Variants in POLE observed in about 807,000 individuals in gnomAD.
The protein encoded by POLE is DNA polymerase epsilon catalytic subunit A.
Under a neutral mutation model 279.2 loss-of-function variants are expected in POLE, and 188 were observed. The observed-to-expected ratio is 0.67, with a 90% CI of 0.60 to 0.76. The LOEUF is 0.76. POLE is among the 30% of genes least tolerant of loss of function. The pLI is 0.00. For synonymous variants in POLE, 1,214 were observed against 1,172.5 expected (o/e 1.04, Z -0.72); for missense variants, 2,703 against 3,016.7 (o/e 0.90, Z 2.44).
chr12:132,634,305 T>C lies in POLE; in HGVS notation c.5885A>G (p.Glu1962Gly), dbSNP rs764022756. 6 of 1,614,166 alleles carry C rather than the reference T, an allele frequency of 3.7e-6. No individual in the cohort carries two copies. The highest frequency in any genetic ancestry group is 8.5e-7 in the Non-Finnish European group (1 of 1,180,000). The stretch of plus-strand genomic sequence containing the variant: ...GGATTCCTCCGCCTCTTCCTCCTCC[T>C]CCCCATCTCTTTCCTCCTCATCGTC... ...NEDDEEERDG[E>G]EEEEAEESNV... The change falls in exon 43 of 49, where the codon GAG (glutamate) becomes GGG (glycine). Residue 1962 changes from glutamate to glycine, a missense_variant. This residue lies in a region of POLE where 1,551 missense variants were observed against 1,686.1 expected (regional missense o/e 0.92). Transcript: ENST00000320574. The surrounding 1 kb of genome is among the most constrained non-coding windows in gnomAD (Gnocchi z 4.0).
rs1199771627 is a variant in POLE, at chr12:132,636,041, G to C, written c.5679-17C>G. 1.2e-6 allele frequency: 2 copies of C among 1,606,834 alleles called. No individual in the cohort carries two copies. Among genetic ancestry groups the C allele is most frequent in the Admixed American group, 3.4e-5 (2 of 58,434 alleles). On this transcript the variant is annotated splice_polypyrimidine_tract_variant and intron_variant, in intron 41 of 48. Transcript: ENST00000320574. ...GAATGGATGCTGCAGAGGAAGCATT[G>C]AAGACGCTGCTTCAGTGAAATCGAC...
rs929537284 is a variant in POLE, at chr12:132,687,296, C to T, written c.20G>A (p.Gly7Glu). The T allele has an allele frequency of 6.6e-6, 10 of 1,505,844 alleles. No homozygotes were observed. The highest frequency in any genetic ancestry group is 8.0e-6 in the Non-Finnish European group (9 of 1,128,440). 93.3% of individuals were successfully genotyped at this position (1,505,844 alleles called of 1,614,324 possible). A position where few individuals can be genotyped will look rare whatever the true frequency, so the allele number is the denominator to read the frequency against. ...CGCGCCTGGGTCCGCGCGCCGCCGC[C>T]CGCCGCTCCTCAGAGACATGGAGCC... The part of the protein sequence containing the change: MSLRSG[G>E]RRRADPGADG... The change falls in exon 1 of 49, where the codon GGG becomes GAG. Residue 7 changes from glycine (G) to glutamate (E), a missense_variant. Around this residue, in one of 5 missense-constraint regions of POLE, gnomAD observed 1,011 missense variants for 1,111.7 expected, o/e 0.91. Transcript: ENST00000320574.
chr12:132,674,810 C>T (rs1452235419), intron 12 of POLE, among the ~76,000 whole-genome samples: 1 of 152,022 alleles, frequency 6.6e-6, no homozygotes, highest in African/African-American at 2.4e-5. Flanking sequence ...GAGGCCCCTC[C>T]ATTCCCTTCC....
rs1555221919 is a variant in POLE, at chr12:132,639,200, C to T, written c.5477G>A (p.Arg1826Gln). 5 of 1,613,994 alleles carry T rather than the reference C, an allele frequency of 3.1e-6. No homozygotes were observed. Among genetic ancestry groups the T allele is most frequent in the Non-Finnish European group, 4.2e-6 (5 of 1,179,976 alleles). ...NQVMHFYRWLRSPSSLLHDPA... is the reference protein window; with the variant it reads ...NQVMHFYRWLQSPSSLLHDPA... ...GTCATGAAGCAGAGAGGATGGCGACCGAAGCCAGCGGTAGAAGTGCATCAC... is the reference window on the plus strand; with the variant it reads ...GTCATGAAGCAGAGAGGATGGCGACTGAAGCCAGCGGTAGAAGTGCATCAC... Residue 1826 changes from arginine to glutamine, a missense_variant, in exon 40 of 49, where the codon CGG becomes CAG. Arg to Gln is a conservative substitution (Grantham distance 43, BLOSUM62 1). Transcript: ENST00000320574. The surrounding 1 kb of genome is among the most constrained non-coding windows in gnomAD (Gnocchi z 4.7).
At chr12:132,683,319 G>A (rs1048414357) in intron 1 of POLE, among the ~76,000 whole-genome samples, 4 of 152,164 alleles carry the variant, frequency 2.6e-5, no homozygotes, top group African/African-American at 9.7e-5. Flanking sequence ...GAAAGGGATG[G>A]GAGAGAGAGG....
intron 29 of POLE, chr12:132,651,309 T>C (rs532494526): frequency 6.6e-6 from 1 of 152,322 alleles, no homozygotes; most frequent in Non-Finnish European, 1.5e-5. Context: ...ACCCATGACT[T>C]TGCAAATGAA....
chr12:132,661,361 G>C lies in POLE; in HGVS notation c.2864+166C>G, dbSNP rs2042677245. Among the ~76,000 whole-genome samples, 1 of 152,198 alleles carries C rather than the reference G, an allele frequency of 6.6e-6. No individual in the cohort carries two copies. The highest frequency in any genetic ancestry group is 6.5e-5 in the Admixed American group (1 of 15,284). On this transcript the variant is annotated intron_variant, in intron 24 of 48. Coordinates refer to ENST00000320574, the MANE Select transcript of POLE (RefSeq NM_006231.4). This position sits in a 1 kb window ranked among gnomAD's most constrained non-coding sequence, Gnocchi z 4.1. ...TGAAGGGCCTGCAGCCACAGAGCCA[G>C]AATACAGCAGGCGGGCAGACAGAGC... is the stretch of plus-strand genomic sequence containing the variant.
intron 43 of POLE, chr12:132,633,896 C>T: frequency 3.1e-6 from 1 of 324,316 alleles, no homozygotes; most frequent in African/African-American, 2.1e-5. Context: ...ATGGCGGGAG[C>T]AGAGCTAGGA....
rs767408418 is a variant in POLE, at chr12:132,668,784, A to T, written c.1923+27T>A. 4.3e-6 allele frequency: 7 copies of T among 1,613,488 alleles called. No homozygotes were observed. Among genetic ancestry groups the T allele is most frequent in the Non-Finnish European group, 3.4e-6 (4 of 1,179,618 alleles). ...TTAGGGCTGGGCAGAGAGAGCTCCG[A>T]CTCTGACACGGGAAGTAAAGTCTCA... is the stretch of plus-strand genomic sequence containing the variant. On this transcript the variant is annotated intron_variant, in intron 17 of 48. Transcript: ENST00000320574. The surrounding 1 kb of genome is among the most constrained non-coding windows in gnomAD (Gnocchi z 4.0).
At chr12:132,649,954 G>A in intron 29 of POLE, 65 bp from the exon 30 acceptor site, 2 of 1,439,820 alleles carry the variant, frequency 1.4e-6, no homozygotes, top group Admixed American at 3.7e-5. Flanking sequence ...CTCATGCCTG[G>A]AATGCCAGCA....
chr12:132,654,398 G>T, intron 29 of POLE, among the ~76,000 whole-genome samples: 1 of 152,024 alleles, frequency 6.6e-6, no homozygotes, highest in Non-Finnish European at 1.5e-5. Context: ...GTCAATTTCT[G>T]TAATGGTTAA....
chr12:132,648,343 G>GTGA (rs2042335722), intron 32 of POLE, among the ~76,000 whole-genome samples: 1 of 151,484 alleles, frequency 6.6e-6, no homozygotes, highest in Non-Finnish European at 1.5e-5. Context: ...GAATGGGGGG[G>GTGA]TGAGGGGAGG....
At chr12:132,678,966 T>C in intron 6 of POLE, among the ~76,000 whole-genome samples, 1 of 152,240 alleles carries the variant, frequency 6.6e-6, no homozygotes. Context: ...CATCCCAAAC[T>C]GATCCTCTTT....
intron 20 of POLE, 35 bp downstream of exon 20, chr12:132,667,466 TCA>T (rs1438081357): frequency 1.2e-6 from 2 of 1,608,318 alleles, no homozygotes. Flanking sequence ...GAAACTGCCC[TCA>T]CAGAGGCCAA....
chr12:132,630,854 G>T (rs2041921903), intron 45 of POLE, among the ~76,000 whole-genome samples: 1 of 152,218 alleles, frequency 6.6e-6, no homozygotes, highest in Middle Eastern at 3.2e-3. Context: ...ATGTGGAACA[G>T]CAACTCTTGC....
At chr12:132,657,073 A>C (rs2042558094) in intron 29 of POLE, 63 bp downstream of exon 29, 2 of 1,564,522 alleles carry the variant, frequency 1.3e-6, no homozygotes, top group Non-Finnish European at 1.8e-6. Context: ...GCAGCGCAAG[A>C]AGCCTGGAGT....
Position 132,639,312 on chromosome 12 carries a change from T to G in POLE, c.5379-14A>C, listed in dbSNP as rs1210105737. 5 of 1,613,084 alleles carry G rather than the reference T, an allele frequency of 3.1e-6. No homozygotes were observed. The highest frequency in any genetic ancestry group is 4.2e-6 in the Non-Finnish European group (5 of 1,179,452). On this transcript the variant is annotated splice_polypyrimidine_tract_variant and intron_variant, in intron 39 of 48. Transcript: ENST00000320574. The surrounding 1 kb of genome is among the most constrained non-coding windows in gnomAD (Gnocchi z 4.7). ...CTCTTCAGGATCCTGAAAGAGAAGG[T>G]GCACGACACCCTCGTACCCTCAGCC...
At chr12:132,657,832 A>C in intron 27 of POLE, 36 bp downstream of exon 27, 1 of 1,405,230 alleles carries the variant, frequency 7.1e-7, no homozygotes, top group Non-Finnish European at 1.0e-6. Flanking sequence ...CTTTCCTTGT[A>C]AACTTTTAAG....
At chr12:132,635,747 C>T (rs891566066) in intron 42 of POLE, 145 bp downstream of exon 42, 5 of 770,306 alleles carry the variant, frequency 6.5e-6, no homozygotes, top group African/African-American at 1.7e-5. Flanking sequence ...CGCATGGTCC[C>T]TCCCCGTGTT....
Sources: gnomAD v4.1 joint callset for allele counts (sites outside exome capture counted in the v4.1 genomes callset) on GRCh38, gnomAD v4.1.1 for gene constraint, gnomAD v4.1.1 regional missense constraint, Gnocchi (gnomAD v3.1) non-coding constraint, MANE v1.5 for transcripts, NCBI Gene and HGNC (gene_info 2026-07-23, HGNC 2026-07-21) for gene names.